GAS7: variants seen among roughly 807,000 people sequenced by gnomAD.
GAS7 encodes growth arrest specific 7.
A neutral mutation model predicts 71.1 loss-of-function variants in GAS7; 28 were observed. The ratio of observed to expected loss-of-function variants is 0.39; its 90% CI spans 0.29 to 0.54. The LOEUF is 0.54. Among genes scored for constraint, GAS7 ranks in the 20% least tolerant of loss-of-function variants. The pLI, the probability that GAS7 is intolerant of heterozygous loss-of-function variation, is 0.62. For synonymous variants in GAS7, 258 were observed against 245.8 expected (o/e 1.05, Z -0.46); for missense variants, 436 against 627.8 (o/e 0.69, Z 3.27).
intron 1 of GAS7, among the ~76,000 whole-genome samples, chr17:10,167,050 T>C (rs2074300114): frequency 2.3e-5 from 2 of 86,630 alleles, no homozygotes; most frequent in East Asian, 5.2e-4. Flanking sequence ...TTGTCTTTTT[T>C]TTTTTTTTTT....
intron 1 of GAS7, among the ~76,000 whole-genome samples, chr17:10,128,075 C>A (rs893864303): frequency 6.6e-6 from 1 of 152,184 alleles, no homozygotes; most frequent in Non-Finnish European, 1.5e-5. Context: ...GCCTGGGAGC[C>A]AGGGCTCGGC....
chr17:9,980,591 T>C (rs1394008524), intron 3 of GAS7, among the ~76,000 whole-genome samples: 1 of 152,224 alleles, frequency 6.6e-6, no homozygotes, highest in Non-Finnish European at 1.5e-5. Flanking sequence ...GATTGACTCC[T>C]GAAGTCGAAA....
intron 5 of GAS7, among the ~76,000 whole-genome samples, chr17:9,949,116 G>A (rs901180531): frequency 6.6e-6 from 1 of 152,186 alleles, no homozygotes; most frequent in African/African-American, 2.4e-5. Flanking sequence ...TGGGATAGGA[G>A]GGCGGACAGC....
At chr17:10,170,156 C>G (rs2074325380) in intron 1 of GAS7, among the ~76,000 whole-genome samples, 1 of 152,184 alleles carries the variant, frequency 6.6e-6, no homozygotes, top group African/African-American at 2.4e-5. Flanking sequence ...CTCTGCTCCC[C>G]CCTCCATCCC....
chr17:10,128,305 A>G (rs1003668554), intron 1 of GAS7, among the ~76,000 whole-genome samples: 2 of 152,250 alleles, frequency 1.3e-5, no homozygotes, highest in African/African-American at 4.8e-5. Flanking sequence ...TGGAGAGTCC[A>G]CAGACGACTG....
chr17:10,152,087 A>G (rs909263038), intron 1 of GAS7, among the ~76,000 whole-genome samples: 9 of 152,148 alleles, frequency 5.9e-5, no homozygotes, highest in African/African-American at 1.9e-4. Flanking sequence ...CAATGTCTAC[A>G]GGACATCTTC....
chr17:10,087,320 A>G (rs927020110), intron 1 of GAS7, among the ~76,000 whole-genome samples: 1 of 152,182 alleles, frequency 6.6e-6, no homozygotes, highest in Non-Finnish European at 1.5e-5. Context: ...ATGTTTTCTG[A>G]GGCACACTCA....
intron 13 of GAS7, 42 bp from the exon 14 acceptor site, chr17:9,917,383 G>GT (rs758053479): frequency 1.5e-6 from 2 of 1,352,090 alleles, no homozygotes; most frequent in Non-Finnish European, 2.1e-6. Flanking sequence ...AGAGACGGCG[G>GT]CCAAGCCAGG....
intron 1 of GAS7, among the ~76,000 whole-genome samples, chr17:10,167,314 G>A (rs2074303163): frequency 6.6e-6 from 1 of 151,696 alleles, no homozygotes; most frequent in Non-Finnish European, 1.5e-5. Flanking sequence ...GCCTCCCAGA[G>A]TGCTGGGATT....
intron 1 of GAS7, among the ~76,000 whole-genome samples, chr17:10,041,835 CTGA>C (rs1231053334): frequency 1.3e-5 from 2 of 152,164 alleles, no homozygotes; most frequent in African/African-American, 4.8e-5. Flanking sequence ...AGCAAAAAGA[CTGA>C]TGATATTTCC....
chr17:10,167,932 C>T (rs1338115271), intron 1 of GAS7, among the ~76,000 whole-genome samples: 2 of 151,992 alleles, frequency 1.3e-5, no homozygotes, highest in African/African-American at 2.4e-5. Context: ...CTCCTGGGCT[C>T]AAGCCACCTG....
At chr17:10,114,574 C>T (rs1022094061) in intron 1 of GAS7, 2 of 152,038 alleles carry the variant, frequency 1.3e-5, no homozygotes, top group African/African-American at 4.8e-5. Context: ...CCATGGCTGC[C>T]GTCTGATAAT....
chr17:10,182,710 C>G (rs1225605453), intron 1 of GAS7, among the ~76,000 whole-genome samples: 1 of 152,084 alleles, frequency 6.6e-6, no homozygotes, highest in African/African-American at 2.4e-5. Flanking sequence ...CAGGAGACAC[C>G]GGCTTTGTGG....
rs2302208 is a variant in GAS7, at chr17:9,946,719, C to G, written c.615+175G>C. Among the ~76,000 whole-genome samples, 8 of 152,344 alleles carry G rather than the reference C, an allele frequency of 5.3e-5. No individual in the cohort carries two copies. In the East Asian group the frequency reaches 1.5e-3, roughly 29 times the overall value. ...GAACCCCTGAGATTCATGGAATGAG[C>G]TGGACCCCAAGAGGGTCCTAAGTTC... On this transcript the variant is annotated intron_variant, in intron 6 of 13. Coordinates refer to ENST00000432992, the MANE Select transcript of GAS7 (RefSeq NM_201433.2).
chr17:10,016,401 A>G (rs2072004023), intron 2 of GAS7, among the ~76,000 whole-genome samples: 1 of 151,184 alleles, frequency 6.6e-6, no homozygotes, highest in Non-Finnish European at 1.5e-5. Flanking sequence ...AAAAAAAAAA[A>G]AAGAGTTAAA....
chr17:10,132,187 C>T (rs374943566), intron 1 of GAS7, among the ~76,000 whole-genome samples: 2 of 152,228 alleles, frequency 1.3e-5, no homozygotes, highest in Non-Finnish European at 2.9e-5. Flanking sequence ...TACGTGCTCA[C>T]GTACTCACAA....
intron 2 of GAS7, among the ~76,000 whole-genome samples, chr17:9,984,420 G>T (rs2152133980): frequency 6.6e-6 from 1 of 152,298 alleles, no homozygotes; most frequent in South Asian, 2.1e-4. Context: ...TTAAGGGAGA[G>T]AAAACAGAAT....
intron 1 of GAS7, among the ~76,000 whole-genome samples, chr17:10,079,469 CTATTCTCTCTGA>C (rs1380379380): frequency 1.3e-5 from 2 of 152,146 alleles, no homozygotes; most frequent in Non-Finnish European, 2.9e-5. Context: ...TACTTACAAC[CTATTCTCTCTGA>C]AGCCTGCTAC....
At chr17:10,046,854 G>GAA (rs200724567) in intron 1 of GAS7, among the ~76,000 whole-genome samples, 1 of 117,406 alleles carries the variant, frequency 8.5e-6, no homozygotes, top group Non-Finnish European at 1.6e-5. Context: ...GGAAAGAAAA[G>GAA]AAAAGAAAAA....
Sources: allele counts gnomAD v4.1 joint callset (sites outside exome capture counted in the v4.1 genomes callset), GRCh38; gene constraint gnomAD v4.1.1; transcripts MANE v1.5; gene names NCBI Gene and HGNC (gene_info 2026-07-23, HGNC 2026-07-21).